Variants in DCC observed in about 807,000 individuals in gnomAD.
DCC encodes netrin receptor DCC.
A neutral mutation model predicts 172.5 loss-of-function variants in DCC; 58 were observed. The observed-to-expected ratio is 0.34, with a 90% CI of 0.27 to 0.42. The LOEUF (loss-of-function observed/expected upper bound fraction) is 0.42. DCC is among the 10% of genes least tolerant of loss of function. The pLI is 1.00. For missense variants in DCC, 1,740 were observed against 1,791.0 expected (o/e 0.97, Z 0.51); for synonymous variants, 709 against 644.5 (o/e 1.10, Z -1.52).
intron 1 of DCC, among the ~76,000 whole-genome samples, chr18:52,624,020 T>C (rs948586616): frequency 6.6e-5 from 10 of 152,138 alleles, no homozygotes; most frequent in African/African-American, 2.2e-4. Flanking sequence ...AGAGCATTGG[T>C]TTCATCTCCC....
At chr18:53,317,911 T>A (rs2057362078) in intron 13 of DCC, among the ~76,000 whole-genome samples, 1 of 152,202 alleles carries the variant, frequency 6.6e-6, no homozygotes, top group Admixed American at 6.5e-5. Context: ...TCTATTTTGT[T>A]AATCTTTTCA....
At chr18:52,988,423 A>G (rs146195741) in intron 5 of DCC, among the ~76,000 whole-genome samples, 1,948 of 152,284 alleles carry the variant, frequency 0.013, 52 homozygotes, top group African/African-American at 0.045. Flanking sequence ...CTCTGTAGAC[A>G]TAAGAAAAAT....
At chr18:52,854,172 T>G (rs781463384) in intron 2 of DCC, among the ~76,000 whole-genome samples, 10 of 152,220 alleles carry the variant, frequency 6.6e-5, no homozygotes, top group Admixed American at 2.0e-4. Flanking sequence ...GAAAGCACAG[T>G]TAACACTGCA....
chr18:52,778,106 T>G (rs2037466216), intron 2 of DCC, among the ~76,000 whole-genome samples: 2 of 152,184 alleles, frequency 1.3e-5, no homozygotes, highest in South Asian at 4.1e-4. Context: ...TCCTCAGCTA[T>G]CATACTAAGA....
intron 13 of DCC, among the ~76,000 whole-genome samples, chr18:53,314,654 A>T (rs2057323140): frequency 6.6e-6 from 1 of 152,192 alleles, no homozygotes; most frequent in Non-Finnish European, 1.5e-5. Flanking sequence ...TACATATCTA[A>T]ATTTTTTTTA....
chr18:53,301,967 G>A (rs1186001651), intron 12 of DCC, among the ~76,000 whole-genome samples: 3 of 152,208 alleles, frequency 2.0e-5, no homozygotes, highest in African/African-American at 7.2e-5. Context: ...AGTTAGTGAA[G>A]CTAGAAGTCC....
At chr18:53,197,620 G>A (rs945823567) in intron 9 of DCC, among the ~76,000 whole-genome samples, 2 of 151,796 alleles carry the variant, frequency 1.3e-5, no homozygotes, top group Admixed American at 6.6e-5. Context: ...CATCAGCCTC[G>A]TTCAGTATTA....
At chr18:53,010,065 C>T (rs2041706214) in intron 5 of DCC, among the ~76,000 whole-genome samples, 1 of 151,934 alleles carries the variant, frequency 6.6e-6, no homozygotes, top group Non-Finnish European at 1.5e-5. Context: ...TGTGATCTTG[C>T]CTCATACTGG....
intron 15 of DCC, among the ~76,000 whole-genome samples, chr18:53,358,384 AATAG>A (rs1274728610): frequency 6.6e-6 from 1 of 152,078 alleles, no homozygotes; most frequent in African/African-American, 2.4e-5. Context: ...AATTTCTTGT[AATAG>A]ATAGTAGGCT....
chr18:53,453,503 G>T (rs1158193334), intron 23 of DCC, among the ~76,000 whole-genome samples: 1 of 151,904 alleles, frequency 6.6e-6, no homozygotes, highest in Non-Finnish European at 1.5e-5. Flanking sequence ...ACATCCAAGT[G>T]AATTGAAAAA....
At chr18:52,987,683 C>T (rs923132865) in intron 5 of DCC, among the ~76,000 whole-genome samples, 1 of 152,186 alleles carries the variant, frequency 6.6e-6, no homozygotes, top group African/African-American at 2.4e-5. Context: ...TAGTTATTCA[C>T]TTCATCTGTG....
chr18:53,185,103 T>C (rs2055259202), intron 9 of DCC, among the ~76,000 whole-genome samples: 1 of 152,178 alleles, frequency 6.6e-6, no homozygotes, highest in African/African-American at 2.4e-5. Flanking sequence ...TACAAATACA[T>C]TATTTTAAAA....
At chr18:53,071,902 G>A (rs1441217824) in intron 7 of DCC, among the ~76,000 whole-genome samples, 1 of 152,152 alleles carries the variant, frequency 6.6e-6, no homozygotes, top group Admixed American at 6.5e-5. Flanking sequence ...GACAAGGTGG[G>A]CAGATCACCT....
rs533824303 is a variant in DCC at position 52,873,523 on chromosome 18, C to T, written c.413-32521C>T. On this transcript the variant is annotated intron_variant, in intron 2 of 28. Coordinates refer to ENST00000442544, the MANE Select transcript of DCC (RefSeq NM_005215.4). ...AACCTTTTGGTCCTTCCAAACCATACGGACTTGAGTGGGTAGATAAACCAC... is the reference window on the plus strand; with the variant it reads ...AACCTTTTGGTCCTTCCAAACCATATGGACTTGAGTGGGTAGATAAACCAC... Among the ~76,000 whole-genome samples, 4 of 152,258 alleles carry T rather than the reference C, an allele frequency of 2.6e-5. No homozygotes were observed. In the East Asian group the frequency reaches 5.8e-4, roughly 22 times the overall value.
In DCC at chr18:52,783,323, C is replaced by CTTTTTTTTTTTTTTTTTTT. The variant is rs374129823; in HGVS notation, c.412+30969_412+30987dup. Among the ~76,000 whole-genome samples the CTTTTTTTTTTTTTTTTTTT allele has an allele frequency of 4.1e-4, 24 of 59,258 alleles. 3 individuals are homozygous for CTTTTTTTTTTTTTTTTTTT. The highest frequency in any genetic ancestry group is 8.4e-4 in the East Asian group (1 of 1,192). 38.9% of individuals were successfully genotyped at this position (59,258 alleles called of 152,430 possible). A position where few individuals can be genotyped will look rare whatever the true frequency, so the allele number is the denominator to read the frequency against. On this transcript the variant is annotated intron_variant, in intron 2 of 28. Coordinates refer to ENST00000442544, the MANE Select transcript of DCC (RefSeq NM_005215.4). ...ACTAAAAATAATTTATACTACTACT[C>CTTTTTTTTTTTTTTTTTTT]TTTTTTTTTTTTTTTTTTTTTTTTT... is the stretch of plus-strand genomic sequence containing the variant.
At chr18:52,990,927 C>A (rs535830300) in intron 5 of DCC, among the ~76,000 whole-genome samples, 1 of 76,716 alleles carries the variant, frequency 1.3e-5, no homozygotes, top group East Asian at 4.1e-4. Flanking sequence ...TAATTTAATC[C>A]TTATGAAAAC....
At chr18:52,935,224 A>G (rs2040365026) in intron 5 of DCC, among the ~76,000 whole-genome samples, 1 of 152,134 alleles carries the variant, frequency 6.6e-6, no homozygotes, top group Admixed American at 6.6e-5. Flanking sequence ...GCTCATTTAC[A>G]TAATAGGTCT....
intron 1 of DCC, among the ~76,000 whole-genome samples, chr18:52,616,559 T>C (rs937752846): frequency 6.6e-6 from 1 of 152,028 alleles, no homozygotes; most frequent in Admixed American, 6.6e-5. Context: ...ACATTTGCAT[T>C]TGAGAGGGGA....
intron 24 of DCC, 89 bp downstream of exon 24, chr18:53,459,547 C>A: frequency 1.2e-6 from 1 of 847,584 alleles, no homozygotes. Context: ...GTCTTCCCTA[C>A]TAATTTGCAT....
Sources: gnomAD v4.1 joint callset for allele counts (sites outside exome capture counted in the v4.1 genomes callset) on GRCh38, gnomAD v4.1.1 for gene constraint, MANE v1.5 for transcripts, NCBI Gene and HGNC (gene_info 2026-07-23, HGNC 2026-07-21) for gene names.